The following DLGAP1 variants were observed in gnomAD, a reference collection of about 807,000 sequenced individuals.
The protein encoded by DLGAP1 is DLG associated protein 1.
In DLGAP1, 11 loss-of-function variants were observed where a neutral mutation model predicts 90.8. The ratio of observed to expected loss-of-function variants is 0.12; its 90% CI spans 0.08 to 0.20. The LOEUF (loss-of-function observed/expected upper bound fraction) is 0.20. Among genes scored for constraint, DLGAP1 ranks in the 10% least tolerant of loss-of-function variants. The probability of loss-of-function intolerance (pLI) is 1.00; values close to 1 mark genes in which losing one functional copy is unlikely to be tolerated. For synonymous variants in DLGAP1, 558 were observed against 540.7 expected (o/e 1.03, Z -0.44); for missense variants, 1,050 against 1,333.8 (o/e 0.79, Z 3.31).
intron 1 of DLGAP1, among the ~76,000 whole-genome samples, chr18:4,410,703 T>A (rs949376147): frequency 2.1e-5 from 3 of 144,264 alleles, no homozygotes; most frequent in Admixed American, 7.0e-5. Flanking sequence ...TATATATATA[T>A]AATCAAAAGA....
intron 1 of DLGAP1, among the ~76,000 whole-genome samples, chr18:4,380,551 C>T (rs2082093617): frequency 6.6e-6 from 1 of 152,128 alleles, no homozygotes; most frequent in Non-Finnish European, 1.5e-5. Context: ...TCTATACATG[C>T]TCCCAGTCTC....
chr18:4,260,934 T>C (rs1051696117), intron 1 of DLGAP1, among the ~76,000 whole-genome samples: 6 of 152,210 alleles, frequency 3.9e-5, no homozygotes, highest in African/African-American at 1.4e-4. Flanking sequence ...AGCATTTTAA[T>C]TGGCTATAGA....
At chr18:3,999,158 T>C (rs1322666988) in intron 3 of DLGAP1, among the ~76,000 whole-genome samples, 2 of 152,126 alleles carry the variant, frequency 1.3e-5, no homozygotes, top group Non-Finnish European at 2.9e-5. Flanking sequence ...TCCATTAGTA[T>C]ATATTTGTAT....
At chr18:4,302,604 A>G (rs12970430) in intron 1 of DLGAP1, among the ~76,000 whole-genome samples, 36,116 of 152,066 alleles carry the variant, frequency 0.24, 4,308 homozygotes, top group African/African-American at 0.26. Flanking sequence ...TGCCAGAACC[A>G]TGCTTTTAAA....
chr18:4,367,939 G>A (rs891335325), intron 1 of DLGAP1, among the ~76,000 whole-genome samples: 6 of 147,146 alleles, frequency 4.1e-5, no homozygotes, highest in South Asian at 2.1e-4. Context: ...TTCAAAATTT[G>A]ATGAATCTTG....
chr18:4,270,789 C>T (rs2079260908), intron 1 of DLGAP1, among the ~76,000 whole-genome samples: 1 of 151,948 alleles, frequency 6.6e-6, no homozygotes, highest in Non-Finnish European at 1.5e-5. Flanking sequence ...CAAGAACAAC[C>T]TTTTATAGAA....
At position 3,565,023 on chromosome 18, in the gene DLGAP1, G is replaced by A. The variant is rs2054348343; in HGVS notation, c.2057+2467C>T. ...AAGGCACAAAGATGGGTAGTAATTT[G>A]CTTATGGCCCCTCAGTTAGTAAGGG... On this transcript the variant is annotated intron_variant, in intron 9 of 12. Coordinates refer to ENST00000315677, the MANE Select transcript of DLGAP1 (RefSeq NM_004746.4). The surrounding 1 kb of genome is among the most constrained non-coding windows in gnomAD (Gnocchi z 4.0). Among the ~76,000 whole-genome samples, 1 of 152,118 alleles carries A rather than the reference G, an allele frequency of 6.6e-6. No homozygotes were observed. Among genetic ancestry groups the A allele is most frequent in the Admixed American group, 6.5e-5 (1 of 15,272 alleles).
chr18:4,004,871 A>T (rs369914811), intron 3 of DLGAP1, among the ~76,000 whole-genome samples: 1 of 151,684 alleles, frequency 6.6e-6, no homozygotes, highest in Admixed American at 6.6e-5. Flanking sequence ...TCCATAAAAA[A>T]GTCAGTTTGG....
intron 1 of DLGAP1, among the ~76,000 whole-genome samples, chr18:4,223,512 T>C (rs983501573): frequency 2.6e-5 from 4 of 152,172 alleles, no homozygotes; most frequent in African/African-American, 7.2e-5. Flanking sequence ...CACAGTATCA[T>C]CGCATTTGTT....
At chr18:3,988,377 T>C (rs1275827132) in intron 3 of DLGAP1, among the ~76,000 whole-genome samples, 2 of 152,186 alleles carry the variant, frequency 1.3e-5, no homozygotes, top group African/African-American at 4.8e-5. Flanking sequence ...AGGATTTTGA[T>C]GTGCGTCTGT....
At chr18:4,443,591 C>A (rs1049621082) in intron 1 of DLGAP1, among the ~76,000 whole-genome samples, 1 of 152,214 alleles carries the variant, frequency 6.6e-6, no homozygotes, top group South Asian at 2.1e-4. Flanking sequence ...CCGTGTAGCA[C>A]AATTTCCATG....
At chr18:3,847,156 C>T (rs1361169962) in intron 4 of DLGAP1, among the ~76,000 whole-genome samples, 1 of 151,946 alleles carries the variant, frequency 6.6e-6, no homozygotes, top group African/African-American at 2.4e-5. Context: ...GTTTTGGTAT[C>T]AGGATAGCAT....
intron 2 of DLGAP1, among the ~76,000 whole-genome samples, chr18:4,149,524 T>C (rs1238151460): frequency 2.0e-5 from 3 of 152,230 alleles, no homozygotes; most frequent in African/African-American, 7.2e-5. Context: ...GGGAGTCTCC[T>C]TGCCTTTGCA....
intron 7 of DLGAP1, among the ~76,000 whole-genome samples, chr18:3,587,966 C>T (rs1327931845): frequency 1.3e-5 from 2 of 152,208 alleles, no homozygotes; most frequent in Non-Finnish European, 2.9e-5. Flanking sequence ...TTTTTTATCA[C>T]CATTACTGCT....
At chr18:4,247,497 C>T (rs1239510838) in intron 1 of DLGAP1, among the ~76,000 whole-genome samples, 2 of 152,150 alleles carry the variant, frequency 1.3e-5, no homozygotes, top group East Asian at 1.9e-4. Flanking sequence ...TATCCCAGGC[C>T]GGGTGCAGTG....
chr18:4,301,548 T>C (rs1232181137), intron 1 of DLGAP1, among the ~76,000 whole-genome samples: 2 of 152,208 alleles, frequency 1.3e-5, no homozygotes, highest in Non-Finnish European at 2.9e-5. Flanking sequence ...CATCGGTTGG[T>C]GGACACACAG....
chr18:4,185,745 G>A (rs1359588252), intron 1 of DLGAP1, among the ~76,000 whole-genome samples: 5 of 152,212 alleles, frequency 3.3e-5, no homozygotes, highest in Admixed American at 1.3e-4. Context: ...TGCAATGAAC[G>A]TTTGCATGCG....
chr18:3,593,039 C>G (rs1449201754), intron 7 of DLGAP1, among the ~76,000 whole-genome samples: 2 of 152,226 alleles, frequency 1.3e-5, no homozygotes, highest in Admixed American at 1.3e-4. Context: ...CCTAACTCAT[C>G]TAGAGATTCA....
chr18:4,325,085 G>A (rs1384348696), intron 1 of DLGAP1, among the ~76,000 whole-genome samples: 1 of 152,146 alleles, frequency 6.6e-6, no homozygotes, highest in Admixed American at 6.6e-5. Context: ...CCTGTTTGCA[G>A]ATAACATGAT....
Sources: gnomAD v4.1 joint callset for allele counts (sites outside exome capture counted in the v4.1 genomes callset) on GRCh38, gnomAD v4.1.1 for gene constraint, Gnocchi (gnomAD v3.1) non-coding constraint, MANE v1.5 for transcripts, NCBI Gene and HGNC (gene_info 2026-07-23, HGNC 2026-07-21) for gene names.